SLC4A10: variants seen among roughly 807,000 people sequenced by gnomAD.
The protein encoded by SLC4A10 is solute carrier family 4 member 10, also known as sodium-driven chloride bicarbonate exchanger.
A neutral mutation model predicts 137.7 loss-of-function variants in SLC4A10; 42 were observed. The observed-to-expected ratio is 0.30, with a 90% confidence interval of 0.24 to 0.39. SLC4A10 has a LOEUF of 0.39. Among genes scored for constraint, SLC4A10 ranks in the 10% least tolerant of loss-of-function variants. SLC4A10 has a pLI of 1.00. For missense variants in SLC4A10, 925 were observed against 1,355.0 expected (o/e 0.68, Z 4.98); for synonymous variants, 474 against 464.1 (o/e 1.02, Z -0.27).
intron 1 of SLC4A10, among the ~76,000 whole-genome samples, chr2:161,706,749 A>T (rs2043709196): frequency 6.6e-6 from 1 of 151,476 alleles, no homozygotes; most frequent in Non-Finnish European, 1.5e-5. Context: ...TTATGGTCTA[A>T]CCTATGTTGT....
intron 15 of SLC4A10, among the ~76,000 whole-genome samples, chr2:161,933,681 C>T (rs890128542): frequency 1.3e-5 from 2 of 152,176 alleles, no homozygotes; most frequent in African/African-American, 4.8e-5. Flanking sequence ...AGGCATGAGC[C>T]CCCACACTCA....
intron 15 of SLC4A10, among the ~76,000 whole-genome samples, chr2:161,916,234 A>G (rs553431016): frequency 6.6e-6 from 1 of 152,336 alleles, no homozygotes; most frequent in South Asian, 2.1e-4. Context: ...GTTATGGGCA[A>G]ACTCTTGCAA....
At chr2:161,692,114 A>G (rs970207194) in intron 1 of SLC4A10, among the ~76,000 whole-genome samples, 1 of 152,010 alleles carries the variant, frequency 6.6e-6, no homozygotes, top group African/African-American at 2.4e-5. Flanking sequence ...AGAAAAGAAA[A>G]AAGAAAAGAA....
At chr2:161,718,803 T>C (rs2045263360) in intron 1 of SLC4A10, among the ~76,000 whole-genome samples, 1 of 152,202 alleles carries the variant, frequency 6.6e-6, no homozygotes, top group Admixed American at 6.5e-5. Context: ...TGTAGATAAC[T>C]ATCAAGTTCA....
chr2:161,951,802 C>T (rs148620436), intron 19 of SLC4A10, among the ~76,000 whole-genome samples: 223 of 152,000 alleles, frequency 1.5e-3, no homozygotes, highest in African/African-American at 5.2e-3. Context: ...GCAGTTTTTG[C>T]CATTACTTTT....
intron 13 of SLC4A10, 90 bp from the exon 14 acceptor site, chr2:161,904,686 C>T: frequency 1.3e-6 from 2 of 1,487,728 alleles, no homozygotes; most frequent in South Asian, 1.3e-5. Context: ...AAGCACAAAG[C>T]ACATATCCAT....
chr2:161,772,207 A>G (rs1044274776), intron 2 of SLC4A10, among the ~76,000 whole-genome samples: 1 of 151,888 alleles, frequency 6.6e-6, no homozygotes, highest in Non-Finnish European at 1.5e-5. Context: ...CAAAACCTTG[A>G]AAAATCTAGA....
intron 3 of SLC4A10, among the ~76,000 whole-genome samples, chr2:161,830,173 A>T (rs977459030): frequency 2.0e-5 from 3 of 151,948 alleles, no homozygotes; most frequent in Non-Finnish European, 2.9e-5. Flanking sequence ...AAAAAAAAAA[A>T]AAAATAACAA....
At chr2:161,711,736 G>C (rs901571122) in intron 1 of SLC4A10, among the ~76,000 whole-genome samples, 5 of 151,906 alleles carry the variant, frequency 3.3e-5, no homozygotes, top group African/African-American at 1.2e-4. Context: ...AGAGGCTTGT[G>C]CAATGGTTCA....
chr2:161,956,948 T>C, intron 19 of SLC4A10, 41 bp from the exon 20 acceptor site: 1 of 1,530,874 alleles, frequency 6.5e-7, no homozygotes, highest in Non-Finnish European at 8.8e-7. Flanking sequence ...AGCCCTGTTA[T>C]TGACACAGTT....
intron 1 of SLC4A10, among the ~76,000 whole-genome samples, chr2:161,631,025 T>C (rs2033449379): frequency 6.6e-6 from 1 of 151,784 alleles, no homozygotes; most frequent in South Asian, 2.1e-4. Flanking sequence ...CAAGGTGCTA[T>C]AAAATGTCAG....
chr2:161,847,989 C>G (rs912482123), intron 4 of SLC4A10, among the ~76,000 whole-genome samples: 2 of 152,178 alleles, frequency 1.3e-5, no homozygotes, highest in African/African-American at 4.8e-5. Context: ...TACATTCCCA[C>G]CAGCAATGTA....
intron 1 of SLC4A10, among the ~76,000 whole-genome samples, chr2:161,734,987 T>C (rs182813871): frequency 1.3e-5 from 2 of 152,082 alleles, no homozygotes; most frequent in African/African-American, 2.4e-5. Context: ...CTTGCCACCA[T>C]GTAAGATGTG....
At chr2:161,681,677 AG>A (rs1462633626) in intron 1 of SLC4A10, among the ~76,000 whole-genome samples, 1 of 152,148 alleles carries the variant, frequency 6.6e-6, no homozygotes, top group East Asian at 1.9e-4. Flanking sequence ...TTTCATCTGC[AG>A]GACATTTACA....
intron 26 of SLC4A10, among the ~76,000 whole-genome samples, chr2:161,982,180 T>C (rs1005614055): frequency 2.0e-5 from 3 of 152,140 alleles, no homozygotes; most frequent in Non-Finnish European, 4.4e-5. Flanking sequence ...GTATGGATAC[T>C]TACAGCCCAG....
chr2:161,966,897 G>A (rs74820069), intron 23 of SLC4A10, among the ~76,000 whole-genome samples: 3,566 of 152,154 alleles, frequency 0.023, 132 homozygotes, highest in African/African-American at 0.08. Flanking sequence ...CTAGAACACA[G>A]AAATTCTAAA....
Position 161,756,061 on chromosome 2 carries a change from A to C in SLC4A10, c.49-14912A>C, listed in dbSNP as rs367782745. On this transcript the variant is annotated intron_variant, in intron 1 of 26. Coordinates refer to ENST00000446997, the MANE Select transcript of SLC4A10 (RefSeq NM_001178015.2). Reference sequence around the variant, plus strand: ...TGGGATTACGGGCTTGAGCCACCGCACCTGGCCCCTTTAAAAAGTTTTCAA... The same window carrying C: ...TGGGATTACGGGCTTGAGCCACCGCCCCTGGCCCCTTTAAAAAGTTTTCAA... 1.1e-4 allele frequency among the ~76,000 whole-genome samples: 16 copies of C among 152,078 alleles called. No homozygotes were observed. In the East Asian group the frequency reaches 2.3e-3, roughly 22 times the overall value.
chr2:161,961,105 A>C (rs994722616), intron 21 of SLC4A10, among the ~76,000 whole-genome samples: 3 of 152,216 alleles, frequency 2.0e-5, no homozygotes, highest in African/African-American at 2.4e-5. Flanking sequence ...AGCAAAAATA[A>C]ATTGCAGCTT....
chr2:161,955,830 A>T (rs1389440150), intron 19 of SLC4A10, among the ~76,000 whole-genome samples: 1 of 152,178 alleles, frequency 6.6e-6, no homozygotes, highest in East Asian at 1.9e-4. Context: ...CTCCTAGAAG[A>T]ATTGGTAATT....
Sources: gnomAD v4.1 joint callset for allele counts (sites outside exome capture counted in the v4.1 genomes callset) on GRCh38, gnomAD v4.1.1 for gene constraint, MANE v1.5 for transcripts, NCBI Gene and HGNC (gene_info 2026-07-23, HGNC 2026-07-21) for gene names.